The following PDE3A variants were observed in gnomAD, a reference collection of about 807,000 sequenced individuals.
PDE3A encodes cGMP-inhibited 3',5'-cyclic phosphodiesterase 3A.
A neutral mutation model predicts 98.3 loss-of-function variants in PDE3A; 43 were observed. The ratio of observed to expected loss-of-function variants is 0.44; its 90% CI spans 0.34 to 0.56. The LOEUF is 0.56. Ranked by LOEUF, PDE3A falls within the 20% of genes least tolerant of loss-of-function variation. The pLI is 0.01. For missense variants in PDE3A, 1,427 were observed against 1,440.7 expected, an observed-to-expected ratio of 0.99 and a Z score of 0.15; for synonymous variants, 663 against 567.9, an observed-to-expected ratio of 1.17 and a Z score of -2.38.
chr12:20,621,216 G>A (rs1592120259), intron 4 of PDE3A, 80 bp from the exon 5 acceptor site: 1 of 765,898 alleles, frequency 1.3e-6, no homozygotes, highest in East Asian at 2.6e-5. Flanking sequence ...AATGATGGTT[G>A]GGTTCTGGCA....
At chr12:20,579,668 C>G (rs540565310) in intron 2 of PDE3A, among the ~76,000 whole-genome samples, 1 of 152,282 alleles carries the variant, frequency 6.6e-6, no homozygotes, top group African/African-American at 2.4e-5. Flanking sequence ...TCAGGCCCCT[C>G]CCCTATTGCC....
At chr12:20,380,482 A>T (rs1053977119) in intron 1 of PDE3A, among the ~76,000 whole-genome samples, 10 of 151,856 alleles carry the variant, frequency 6.6e-5, no homozygotes. Flanking sequence ...AAAATCAAAA[A>T]ATTTAAGTCA....
At chr12:20,423,623 T>C (rs549330721) in intron 1 of PDE3A, among the ~76,000 whole-genome samples, 2 of 152,334 alleles carry the variant, frequency 1.3e-5, no homozygotes, top group South Asian at 4.1e-4. Context: ...TGGACTCTCA[T>C]GCGTAAGATT....
chr12:20,388,462 T>A (rs1431696348), intron 1 of PDE3A, among the ~76,000 whole-genome samples: 1 of 152,026 alleles, frequency 6.6e-6, no homozygotes, highest in African/African-American at 2.4e-5. Context: ...CTTTTTGGTG[T>A]CTTTTTGTTT....
At chr12:20,563,922 G>A (rs1463884626) in intron 2 of PDE3A, among the ~76,000 whole-genome samples, 1 of 152,074 alleles carries the variant, frequency 6.6e-6, no homozygotes, top group Non-Finnish European at 1.5e-5. Flanking sequence ...CTTTGAAATT[G>A]CTTTTATTTA....
intron 1 of PDE3A, among the ~76,000 whole-genome samples, chr12:20,392,229 A>C (rs1943930262): frequency 6.6e-6 from 1 of 152,040 alleles, no homozygotes; most frequent in Admixed American, 6.6e-5. Flanking sequence ...GCAAATAGGA[A>C]GATAACTAAG....
Position 20,369,227 on chromosome 12 carries a change from G to T in PDE3A, c.-58G>T. The T allele has an allele frequency of 7.4e-7, 1 of 1,351,558 alleles. No individual in the cohort carries two copies. The highest frequency in any genetic ancestry group is 9.9e-7 in the Non-Finnish European group (1 of 1,008,832). The allele number at this position is 1,351,558 out of a possible 1,614,324, so 83.7% of individuals were successfully genotyped here. A position where few individuals can be genotyped will look rare whatever the true frequency, so the allele number is the denominator to read the frequency against. ...TGTGTGTGTGCGCGCGCGCGCGTGG[G>T]TCGGGGCGGGGGCGTCGGGGGGCCA... On this transcript the variant is annotated 5_prime_UTR_variant, in exon 1 of 16. Transcript: ENST00000359062.
chr12:20,369,456 T>G lies in PDE3A; in HGVS notation c.172T>G (p.Ser58Ala), dbSNP rs1943415446. ...GDLVLQPLRS[S>A]RKLSSALCAG... is the part of the protein sequence containing the mutation. ...CCTGGTGCTGCAGCCGCTCCGGAGC[T>G]CTCGGAAACTTTCCTCCGCGCTGTG... is the stretch of plus-strand genomic sequence containing the variant. The change falls in exon 1 of 16, where the codon TCT (serine) becomes GCT (alanine). Residue 58 changes from serine (S) to alanine (A), a missense_variant. By Grantham distance (99) the Ser-to-Ala change is moderately conservative. Around this residue, in one of 3 missense-constraint regions of PDE3A, gnomAD observed 1,012 missense variants for 886.5 expected, o/e 1.14. Coordinates refer to ENST00000359062, the MANE Select transcript of PDE3A (RefSeq NM_000921.5). 6.4e-7 allele frequency: 1 copy of G among 1,556,076 alleles called. No individual in the cohort carries two copies. Among genetic ancestry groups the G allele is most frequent in the African/African-American group, 1.4e-5 (1 of 73,452 alleles).
At chr12:20,374,388 A>G (rs1177140141) in intron 1 of PDE3A, among the ~76,000 whole-genome samples, 1 of 152,106 alleles carries the variant, frequency 6.6e-6, no homozygotes, top group Non-Finnish European at 1.5e-5. Flanking sequence ...GTAAAAAGTT[A>G]AAACTGTAGA....
At chr12:20,472,156 C>T (rs1945450474) in intron 1 of PDE3A, among the ~76,000 whole-genome samples, 1 of 152,090 alleles carries the variant, frequency 6.6e-6, no homozygotes, top group Non-Finnish European at 1.5e-5. Context: ...AGAGTTGGGG[C>T]TCAGTAATCT....
intron 1 of PDE3A, among the ~76,000 whole-genome samples, chr12:20,386,320 G>A (rs1189634243): frequency 7.1e-6 from 1 of 141,516 alleles, no homozygotes; most frequent in Non-Finnish European, 1.5e-5. Context: ...AAAAAAAATT[G>A]CCATTCTGAC....
intron 1 of PDE3A, among the ~76,000 whole-genome samples, chr12:20,485,439 G>GTT (rs145864739): frequency 2.5e-4 from 38 of 150,870 alleles, no homozygotes; most frequent in African/African-American, 8.0e-4. Context: ...CTGCAAATAT[G>GTT]TTTTTTTTTA....
Position 20,369,682 on chromosome 12 carries a change from C to T in PDE3A, c.398C>T (p.Ser133Leu), listed in dbSNP as rs746694508. 5 of 1,610,090 alleles carry T rather than the reference C, an allele frequency of 3.1e-6. No homozygotes were observed. The highest frequency in any genetic ancestry group is 2.7e-5 in the African/African-American group (2 of 75,028). The change falls in exon 1 of 16, where the codon TCG becomes TTG. Residue 133 changes from serine (S) to leucine (L), a missense_variant. Transcript: ENST00000359062. ...GARLSPWLQP[S>L]ALLFSLLCAF... ...CGGCTCAGCCCCTGGCTGCAGCCCT[C>T]GGCGCTGCTCTTCAGTCTCCTGTGT...
At chr12:20,569,316 C>A (rs889750804) in intron 2 of PDE3A, among the ~76,000 whole-genome samples, 9 of 152,120 alleles carry the variant, frequency 5.9e-5, no homozygotes, top group African/African-American at 2.2e-4. Flanking sequence ...CTGTCTTCTA[C>A]AAATACTTTC....
At chr12:20,599,763 C>T (rs1213491971) in intron 2 of PDE3A, among the ~76,000 whole-genome samples, 3 of 152,150 alleles carry the variant, frequency 2.0e-5, no homozygotes, top group African/African-American at 4.8e-5. Flanking sequence ...TGGATACTGA[C>T]ATATATCTAT....
chr12:20,593,111 T>G (rs1024127433), intron 2 of PDE3A, among the ~76,000 whole-genome samples: 1 of 152,152 alleles, frequency 6.6e-6, no homozygotes, highest in Non-Finnish European at 1.5e-5. Flanking sequence ...AGTGATTAAT[T>G]TGGTGTCAGT....
chr12:20,603,532 T>TTTTG (rs1943643007), intron 2 of PDE3A, among the ~76,000 whole-genome samples: 1 of 152,016 alleles, frequency 6.6e-6, no homozygotes, highest in African/African-American at 2.4e-5. Context: ...GGAAATAGGT[T>TTTTG]TTTGTTTTTA....
At chr12:20,445,873 C>T (rs1041761366) in intron 1 of PDE3A, among the ~76,000 whole-genome samples, 1 of 152,114 alleles carries the variant, frequency 6.6e-6, no homozygotes, top group African/African-American at 2.4e-5. Context: ...CATCTCCTTT[C>T]TAGGTCACAA....
intron 1 of PDE3A, among the ~76,000 whole-genome samples, chr12:20,432,151 G>A (rs890695385): frequency 6.6e-6 from 1 of 152,112 alleles, no homozygotes; most frequent in African/African-American, 2.4e-5. Flanking sequence ...ACACAGAAGT[G>A]GCATGGCTCT....
Sources: gnomAD v4.1 joint callset for allele counts (sites outside exome capture counted in the v4.1 genomes callset) on GRCh38, gnomAD v4.1.1 for gene constraint, gnomAD v4.1.1 regional missense constraint, MANE v1.5 for transcripts, NCBI Gene and HGNC (gene_info 2026-07-23, HGNC 2026-07-21) for gene names.